Variants in ARRB1 observed in about 807,000 individuals in gnomAD.
The protein encoded by ARRB1 is arrestin beta 1.
ARRB1 carries 21 observed loss-of-function variants against 56.8 expected under a neutral mutation model. The ratio of observed to expected loss-of-function variants is 0.37; its 90% CI spans 0.26 to 0.53. The LOEUF is 0.53. Ranked by LOEUF, ARRB1 falls within the 20% of genes least tolerant of loss-of-function variation. ARRB1 has a pLI of 0.88. For synonymous variants in ARRB1, 210 were observed against 218.6 expected (o/e 0.96, Z 0.35); for missense variants, 424 against 553.7 (o/e 0.77, Z 2.35).
chr11:75,316,111 T>C (rs1947259426), intron 1 of ARRB1, among the ~76,000 whole-genome samples: 1 of 152,120 alleles, frequency 6.6e-6, no homozygotes, highest in Non-Finnish European at 1.5e-5. Context: ...ACAGATCACC[T>C]GAGATCAGGA....
At chr11:75,271,815 T>TCC (rs893239978) in intron 12 of ARRB1, 91 bp from the exon 13 acceptor site, 3 of 1,400,586 alleles carry the variant, frequency 2.1e-6, no homozygotes, top group Admixed American at 4.3e-5. Flanking sequence ...ACTTCTGCTG[T>TCC]CCCCCGGATA....
chr11:75,294,906 T>C (rs969188220), intron 1 of ARRB1, among the ~76,000 whole-genome samples: 1 of 152,030 alleles, frequency 6.6e-6, no homozygotes, highest in Non-Finnish European at 1.5e-5. Flanking sequence ...CTGTAACAAA[T>C]TACCACACAC....
chr11:75,310,205 A>G (rs970462014), intron 1 of ARRB1, among the ~76,000 whole-genome samples: 2 of 152,180 alleles, frequency 1.3e-5, no homozygotes, highest in African/African-American at 4.8e-5. Context: ...TGGACATGGC[A>G]TCTTACCTTT....
intron 1 of ARRB1, among the ~76,000 whole-genome samples, chr11:75,315,962 G>A (rs1947257192): frequency 6.6e-6 from 1 of 152,160 alleles, no homozygotes; most frequent in Non-Finnish European, 1.5e-5. Flanking sequence ...CCCCTCAGGT[G>A]GGACCCAAAC....
At chr11:75,340,268 G>C (rs1375570501) in intron 1 of ARRB1, among the ~76,000 whole-genome samples, 2 of 152,236 alleles carry the variant, frequency 1.3e-5, no homozygotes, top group Non-Finnish European at 2.9e-5. Flanking sequence ...GCTCCCAAGA[G>C]AGTTGGAGGG....
chr11:75,284,239 C>A lies in ARRB1; in HGVS notation c.153G>T (p.Arg51=), dbSNP rs377600354. The A allele has an allele frequency of 9.9e-6, 16 of 1,609,102 alleles. No individual in the cohort carries two copies. The African/African-American group carries it at 2.1e-4, about 22-fold the overall frequency. ...VLVDPEYLKE[R]RVYVTLTCAF... is the part of the protein sequence containing the mutation. ...GGGATGGGGGCCACAGCCTACCTCTCCGCTCTTTGAGATACTCAGGATCCA... is the reference window on the plus strand; with the variant it reads ...GGGATGGGGGCCACAGCCTACCTCTACGCTCTTTGAGATACTCAGGATCCA... Residue 51 remains arginine (R), a synonymous_variant, in exon 4 of 16, where the codon CGG becomes CGT. Coordinates refer to ENST00000420843, the MANE Select transcript of ARRB1 (RefSeq NM_004041.5).
intron 1 of ARRB1, among the ~76,000 whole-genome samples, chr11:75,351,176 T>C (rs1255402057): frequency 6.6e-6 from 1 of 152,222 alleles, no homozygotes; most frequent in Admixed American, 6.5e-5. Context: ...CAAGAATGTG[T>C]TGACCGAGGC....
At chr11:75,323,019 A>G (rs777630609) in intron 1 of ARRB1, among the ~76,000 whole-genome samples, 1 of 152,234 alleles carries the variant, frequency 6.6e-6, no homozygotes, top group African/African-American at 2.4e-5. Context: ...GATATTATTC[A>G]TCTGGGTCAG....
At chr11:75,269,076 T>C in intron 13 of ARRB1, 117 bp from the exon 14 acceptor site, 7 of 1,122,330 alleles carry the variant, frequency 6.2e-6, no homozygotes, top group Non-Finnish European at 9.3e-6. Context: ...AGGAGGTAGA[T>C]CCAAAAGATG....
intron 1 of ARRB1, among the ~76,000 whole-genome samples, chr11:75,320,055 G>A (rs1277630251): frequency 6.6e-6 from 1 of 152,204 alleles, no homozygotes; most frequent in Non-Finnish European, 1.5e-5. Flanking sequence ...CCCCCCCAGA[G>A]CAGGAGGCAG....
intron 1 of ARRB1, among the ~76,000 whole-genome samples, chr11:75,320,701 G>A (rs1266492618): frequency 6.6e-6 from 1 of 152,176 alleles, no homozygotes; most frequent in Non-Finnish European, 1.5e-5. Flanking sequence ...CCTCAGCTGG[G>A]CTGGCTCCAG....
intron 1 of ARRB1, among the ~76,000 whole-genome samples, chr11:75,300,781 A>G (rs1946882141): frequency 1.3e-5 from 2 of 149,930 alleles, no homozygotes; most frequent in South Asian, 4.2e-4. Flanking sequence ...CCTGGCTAAC[A>G]CAGTGAAACC....
chr11:75,346,544 C>T (rs944748545), intron 1 of ARRB1, among the ~76,000 whole-genome samples: 6 of 152,128 alleles, frequency 3.9e-5, no homozygotes, highest in East Asian at 1.9e-4. Context: ...GGGTCCCCTC[C>T]CACTCCTCTC....
intron 2 of ARRB1, among the ~76,000 whole-genome samples, chr11:75,289,423 T>C (rs1946554133): frequency 6.6e-6 from 1 of 152,194 alleles, no homozygotes; most frequent in Admixed American, 6.5e-5. Context: ...GTTGAAATGA[T>C]GGATTTCTGT....
At chr11:75,268,190 T>A (rs968094582) in intron 14 of ARRB1, among the ~76,000 whole-genome samples, 1 of 152,122 alleles carries the variant, frequency 6.6e-6, no homozygotes, top group Non-Finnish European at 1.5e-5. Context: ...CAATGAAATA[T>A]GACCAATCTG....
rs1163076285 is a variant in ARRB1, at chr11:75,265,369, C to T, written c.*794G>A. ...GGCTGGTGCTTGCTGAAGACCCCCT[C>T]CCTCCCTCCCTCTGCTTTTCTCTCT... On this transcript the variant is annotated 3_prime_UTR_variant, in exon 16 of 16. Transcript: ENST00000420843. 1.3e-5 allele frequency: 2 copies of T among 152,052 alleles called. No homozygotes were observed. The highest frequency in any genetic ancestry group is 1.9e-4 in the East Asian group (1 of 5,174). The allele number at this position is 152,052 out of a possible 1,614,324, so 9.4% of individuals were successfully genotyped here. A position where few individuals can be genotyped will look rare whatever the true frequency, so the allele number is the denominator to read the frequency against.
chr11:75,345,258 C>A (rs1045872965), intron 1 of ARRB1, among the ~76,000 whole-genome samples: 3 of 152,156 alleles, frequency 2.0e-5, no homozygotes, highest in Non-Finnish European at 4.4e-5. Context: ...TGGGGCCAGT[C>A]CCAGGAAGGA....
intron 4 of ARRB1, 125 bp from the exon 5 acceptor site, chr11:75,283,608 G>T: frequency 1.1e-6 from 1 of 937,736 alleles, no homozygotes; most frequent in South Asian, 1.8e-5. Context: ...GCTCTGTGGG[G>T]ATGGCTGCAC....
chr11:75,346,157 T>A (rs1382224875), intron 1 of ARRB1, among the ~76,000 whole-genome samples: 1 of 152,104 alleles, frequency 6.6e-6, no homozygotes, highest in Admixed American at 6.5e-5. Flanking sequence ...CTCTTTCTTC[T>A]GTCTAGAACA....
Sources: gnomAD v4.1 joint callset for allele counts (sites outside exome capture counted in the v4.1 genomes callset) on GRCh38, gnomAD v4.1.1 for gene constraint, MANE v1.5 for transcripts, NCBI Gene and HGNC (gene_info 2026-07-23, HGNC 2026-07-21) for gene names.